The following PDE1A variants were observed in gnomAD, a reference collection of about 807,000 sequenced individuals.
PDE1A encodes the protein dual specificity calcium/calmodulin-dependent 3',5'-cyclic nucleotide phosphodiesterase 1A.
PDE1A carries 35 observed loss-of-function variants against 61.7 expected under a neutral mutation model. That is an observed-to-expected ratio of 0.57 (90% confidence interval 0.43 to 0.75). The LOEUF (loss-of-function observed/expected upper bound fraction) is 0.75, where lower values mean the gene tolerates loss of function less well. PDE1A is among the 30% of genes least tolerant of loss of function. The pLI is 0.00. For synonymous variants in PDE1A, 232 were observed against 213.2 expected (o/e 1.09, Z -0.77); for missense variants, 597 against 630.6 (o/e 0.95, Z 0.57).
the PDE1A span, among the ~76,000 whole-genome samples, chr2:182,550,546 T>C: frequency 6.6e-6 from 1 of 152,146 alleles, no homozygotes; most frequent in Non-Finnish European, 1.5e-5. Flanking sequence ...AATTCCGTTC[T>C]ACTGAAGAAA....
At chr2:182,652,361 G>C in the PDE1A span, among the ~76,000 whole-genome samples, 32 of 152,046 alleles carry the variant, frequency 2.1e-4, 1 homozygote, top group Non-Finnish European at 3.8e-4. Flanking sequence ...CTGCAGTCTA[G>C]AAACACACTT....
intron 7 of PDE1A, among the ~76,000 whole-genome samples, chr2:182,222,117 A>G (rs1282932626): frequency 6.6e-6 from 1 of 152,034 alleles, no homozygotes; most frequent in Non-Finnish European, 1.5e-5. Flanking sequence ...AGTATTATTC[A>G]TAAGTGCCCA....
chr2:182,190,514 T>C (rs1345066630), intron 10 of PDE1A, among the ~76,000 whole-genome samples: 1 of 152,210 alleles, frequency 6.6e-6, no homozygotes, highest in African/African-American at 2.4e-5. Context: ...TCTCCTTATC[T>C]GTTACCTAAT....
At chr2:182,532,953 A>AAAAAAC in the PDE1A span, among the ~76,000 whole-genome samples, 1 of 148,074 alleles carries the variant, frequency 6.8e-6, no homozygotes, top group Non-Finnish European at 1.5e-5. Context: ...CTCAAAAAAA[A>AAAAAAC]AAAAAAAAAA....
the PDE1A span, among the ~76,000 whole-genome samples, chr2:182,642,876 C>T: frequency 1.3e-5 from 2 of 152,096 alleles, no homozygotes; most frequent in African/African-American, 4.8e-5. Flanking sequence ...CCAGTGACAA[C>T]CATTTACTCC....
chr2:182,488,827 G>T (rs1313639569), intron 2 of PDE1A, among the ~76,000 whole-genome samples: 2 of 152,178 alleles, frequency 1.3e-5, no homozygotes, highest in Non-Finnish European at 2.9e-5. Flanking sequence ...CAATTTGAAT[G>T]TATAGATGCT....
At chr2:182,210,130 G>C (rs1319370450) in intron 7 of PDE1A, among the ~76,000 whole-genome samples, 2 of 152,312 alleles carry the variant, frequency 1.3e-5, no homozygotes, top group South Asian at 4.1e-4. Flanking sequence ...TTGTGTGAAT[G>C]TGTTTGTAAT....
chr2:182,156,252 A>G (rs1691075557), intron 13 of PDE1A, among the ~76,000 whole-genome samples: 1 of 152,244 alleles, frequency 6.6e-6, no homozygotes. Context: ...CAATATTAGT[A>G]GCAACAGTAA....
At chr2:182,333,799 T>C (rs750764343) in intron 1 of PDE1A, among the ~76,000 whole-genome samples, 44 of 152,032 alleles carry the variant, frequency 2.9e-4, no homozygotes, top group Non-Finnish European at 4.1e-4. Context: ...GAGCTGGTCT[T>C]TTGAAAAGAT....
At chr2:182,524,919 A>G (rs925255024), upstream of PDE1A, among the ~76,000 whole-genome samples, 2 of 151,800 alleles carry the variant, frequency 1.3e-5, no homozygotes, top group African/African-American at 4.8e-5. Context: ...TGTTTACCTA[A>G]TATTTTATTA....
chr2:182,679,757 G>C, the PDE1A span, among the ~76,000 whole-genome samples: 5 of 152,232 alleles, frequency 3.3e-5, no homozygotes, highest in African/African-American at 1.2e-4. Context: ...TTCTTTCTGT[G>C]TTAATTCACA....
At chr2:182,567,946 C>T in the PDE1A span, among the ~76,000 whole-genome samples, 12 of 151,858 alleles carry the variant, frequency 7.9e-5, no homozygotes, top group African/African-American at 2.9e-4. Context: ...GCGCCCGCCA[C>T]CACGCCCGGC....
chr2:182,486,822 A>G (rs1457567922), intron 2 of PDE1A, among the ~76,000 whole-genome samples: 1 of 152,172 alleles, frequency 6.6e-6, no homozygotes, highest in Non-Finnish European at 1.5e-5. Flanking sequence ...CTAATATTAC[A>G]AAGACTTCTA....
At chr2:182,256,038 C>CTTTT (rs755211798) in intron 2 of PDE1A, among the ~76,000 whole-genome samples, 3 of 92,328 alleles carry the variant, frequency 3.2e-5, no homozygotes, top group Non-Finnish European at 4.2e-5. Context: ...AGGATGACTT[C>CTTTT]TTTTTTTTTT....
intron 2 of PDE1A, among the ~76,000 whole-genome samples, chr2:182,491,140 G>A (rs2368299): frequency 0.42 from 63,554 of 152,040 alleles, 13,570 homozygotes; most frequent in African/African-American, 0.48. Context: ...GAAGTGCAGA[G>A]ATTGGTGGAC....
chr2:182,304,042 A>AT (rs879811464), intron 1 of PDE1A, among the ~76,000 whole-genome samples: 4,234 of 152,170 alleles, frequency 0.028, 102 homozygotes, highest in South Asian at 0.11. Context: ...CTGGGACTAC[A>AT]GGTGTGTGCC....
intron 1 of PDE1A, among the ~76,000 whole-genome samples, chr2:182,352,830 T>G (rs1698965908): frequency 6.6e-6 from 1 of 151,998 alleles, no homozygotes. Flanking sequence ...GTGAATACAT[T>G]TCATCTTGAG....
chr2:182,195,083 T>TTC (rs2125441134), intron 10 of PDE1A, among the ~76,000 whole-genome samples: 1 of 152,228 alleles, frequency 6.6e-6, no homozygotes, highest in African/African-American at 2.4e-5. Context: ...AGGAAAATAC[T>TTC]TCTCTTAATT....
intron 1 of PDE1A, among the ~76,000 whole-genome samples, chr2:182,274,901 G>T (rs957705641): frequency 6.6e-6 from 1 of 152,040 alleles, no homozygotes; most frequent in Admixed American, 6.6e-5. Context: ...ATTGACAGAA[G>T]TAGTTTTGAG....
Sources: gnomAD v4.1 joint callset for allele counts (sites outside exome capture counted in the v4.1 genomes callset) on GRCh38, gnomAD v4.1.1 for gene constraint, MANE v1.5 for transcripts, NCBI Gene and HGNC (gene_info 2026-07-23, HGNC 2026-07-21) for gene names.